The following ITGB5 variants were observed in gnomAD, a reference collection of about 807,000 sequenced individuals.
The protein encoded by ITGB5 is integrin beta-5.
ITGB5 carries 38 observed loss-of-function variants against 84.8 expected under a neutral mutation model. That is an observed-to-expected ratio of 0.45 (90% CI 0.35 to 0.59). The LOEUF (loss-of-function observed/expected upper bound fraction) is 0.59, where lower values mean the gene tolerates loss of function less well. Ranked by LOEUF, ITGB5 falls within the 20% of genes least tolerant of loss-of-function variation. The pLI, the probability that ITGB5 is intolerant of heterozygous loss-of-function variation, is 0.01. For synonymous variants in ITGB5, 393 were observed against 414.4 expected, an observed-to-expected ratio of 0.95 and a Z score of 0.63; for missense variants, 905 against 1,034.5, an observed-to-expected ratio of 0.87 and a Z score of 1.72.
At chr3:124,881,774 C>T (rs559160365) in intron 1 of ITGB5, among the ~76,000 whole-genome samples, 1 of 152,094 alleles carries the variant, frequency 6.6e-6, no homozygotes, top group East Asian at 1.9e-4. Context: ...TCAAGACCAG[C>T]CTGGCCAACA....
chr3:124,819,765 T>C lies in ITGB5; in HGVS notation c.1012A>G (p.Thr338Ala). 1 of 1,613,798 alleles carries C rather than the reference T, an allele frequency of 6.2e-7. No homozygotes were observed. The highest frequency in any genetic ancestry group is 8.5e-7 in the Non-Finnish European group (1 of 1,179,690). The stretch of plus-strand genomic sequence containing the variant: ...TTGTACAGCATATAATGGTTTTTTG[T>C]CACTGCAAAGATGAGGTTGATGTTG... ...ENNINLIFAVTKNHYMLYKNF... is the reference protein window; with the variant it reads ...ENNINLIFAVAKNHYMLYKNF... The change falls in exon 7 of 15, where the codon ACA (threonine) becomes GCA (alanine). Residue 338 changes from threonine to alanine, a missense_variant. By Grantham distance (58) the Thr-to-Ala change is moderately conservative. This residue lies in a region of ITGB5 where 656 missense variants were observed against 734.7 expected (regional missense o/e 0.89). Transcript: ENST00000296181.
intron 2 of ITGB5, among the ~76,000 whole-genome samples, chr3:124,864,353 G>A (rs142275398): frequency 4.7e-4 from 71 of 151,984 alleles, no homozygotes; most frequent in African/African-American, 1.4e-3. Flanking sequence ...TGATCCACCC[G>A]CCTCAGCCTC....
intron 3 of ITGB5, among the ~76,000 whole-genome samples, chr3:124,857,728 TA>T (rs2065238831): frequency 6.6e-6 from 1 of 152,198 alleles, no homozygotes; most frequent in African/African-American, 2.4e-5. Context: ...TATTCAATGA[TA>T]AAAGTGGTGA....
At chr3:124,809,440 C>A (rs532630029) in intron 8 of ITGB5, 1 of 327,188 alleles carries the variant, frequency 3.1e-6, no homozygotes, top group Non-Finnish European at 5.8e-6. Context: ...ACGGGTTATG[C>A]CCCATCCCCT....
chr3:124,863,689 T>C (rs1353194334), intron 2 of ITGB5, among the ~76,000 whole-genome samples: 1 of 152,148 alleles, frequency 6.6e-6, no homozygotes, highest in East Asian at 1.9e-4. Context: ...TGGCTAATTT[T>C]TGTATTTTTA....
intron 3 of ITGB5, among the ~76,000 whole-genome samples, chr3:124,851,238 C>T (rs1398401978): frequency 8.5e-5 from 13 of 152,150 alleles, no homozygotes; most frequent in Admixed American, 2.6e-4. Flanking sequence ...AGAACTCAGG[C>T]TCTCTTCAAC....
At chr3:124,775,601 T>G (rs2063915959) in intron 10 of ITGB5, among the ~76,000 whole-genome samples, 1 of 152,200 alleles carries the variant, frequency 6.6e-6, no homozygotes, top group Non-Finnish European at 1.5e-5. Context: ...AATGCCATTA[T>G]GTGAAGGCTG....
At chr3:124,848,257 T>C in intron 4 of ITGB5, 52 bp downstream of exon 4, 1 of 1,588,344 alleles carries the variant, frequency 6.3e-7, no homozygotes, top group Non-Finnish European at 8.6e-7. Context: ...TTTTCCTGCT[T>C]CTCCATTCTC....
At chr3:124,853,742 C>T (rs2065187557) in intron 3 of ITGB5, among the ~76,000 whole-genome samples, 1 of 152,138 alleles carries the variant, frequency 6.6e-6, no homozygotes, top group Admixed American at 6.5e-5. Context: ...AGTATTGTAA[C>T]CATGTTGGTT....
chr3:124,887,606 C>T (rs776098221), upstream of ITGB5: 2 of 391,802 alleles, frequency 5.1e-6, no homozygotes, highest in Admixed American at 2.6e-5. Flanking sequence ...TCACTTGGGG[C>T]GTGGGGGGCT....
intron 11 of ITGB5, chr3:124,769,668 G>T (rs1200596428): frequency 2.6e-5 from 4 of 152,318 alleles, no homozygotes; most frequent in African/African-American, 9.7e-5. Context: ...GGGCAATTCT[G>T]ATGCATGTCG....
chr3:124,816,235 G>A (rs2064590320), intron 8 of ITGB5, among the ~76,000 whole-genome samples: 1 of 152,166 alleles, frequency 6.6e-6, no homozygotes, highest in Admixed American at 6.5e-5. Context: ...CAAGCCCCAG[G>A]GTTCCCCCTA....
At chr3:124,887,710 T>G (rs1170309232), upstream of ITGB5, 1 of 453,180 alleles carries the variant, frequency 2.2e-6, no homozygotes, top group African/African-American at 2.0e-5. Flanking sequence ...CCGAGATTAC[T>G]TGGGCCAAAG....
intron 1 of ITGB5, among the ~76,000 whole-genome samples, chr3:124,894,944 C>A (rs1364547412): frequency 2.0e-5 from 3 of 151,994 alleles, no homozygotes; most frequent in Admixed American, 6.6e-5. Context: ...CCCTCCCCCC[C>A]AAATCTTACA....
intron 10 of ITGB5, among the ~76,000 whole-genome samples, chr3:124,774,733 T>TGCCCA (rs1232754515): frequency 2.0e-5 from 3 of 152,196 alleles, no homozygotes; most frequent in Admixed American, 2.0e-4. Flanking sequence ...GCTGAATTCC[T>TGCCCA]GCCCAGGGAC....
chr3:124,802,997 G>A (rs947598244), intron 9 of ITGB5, among the ~76,000 whole-genome samples: 1 of 152,194 alleles, frequency 6.6e-6, no homozygotes, highest in Non-Finnish European at 1.5e-5. Flanking sequence ...CAGGGCTGCG[G>A]CCCATCCAAT....
intron 10 of ITGB5, among the ~76,000 whole-genome samples, chr3:124,777,639 G>A (rs963324277): frequency 4.6e-5 from 7 of 152,168 alleles, no homozygotes; most frequent in Admixed American, 4.6e-4. Context: ...CTTCTCCAAG[G>A]GGCCTGGGCT....
At chr3:124,774,422 G>GAC (rs2063893299) in intron 10 of ITGB5, among the ~76,000 whole-genome samples, 2 of 152,144 alleles carry the variant, frequency 1.3e-5, no homozygotes, top group African/African-American at 4.8e-5. Context: ...GTGGCAGTGG[G>GAC]ACAACAGAAG....
At chr3:124,764,156 G>C (rs562900142) in intron 14 of ITGB5, among the ~76,000 whole-genome samples, 1 of 152,150 alleles carries the variant, frequency 6.6e-6, no homozygotes, top group Admixed American at 6.5e-5. Flanking sequence ...CACGCCCAGC[G>C]CCTCTGCCCC....
Sources: gnomAD v4.1 joint callset for allele counts (sites outside exome capture counted in the v4.1 genomes callset) on GRCh38, gnomAD v4.1.1 for gene constraint, gnomAD v4.1.1 regional missense constraint, MANE v1.5 for transcripts, NCBI Gene and HGNC (gene_info 2026-07-23, HGNC 2026-07-21) for gene names.